The following PRIM2 variants were observed in gnomAD, a reference collection of about 807,000 sequenced individuals.
PRIM2 encodes the protein DNA primase large subunit.
A neutral mutation model predicts 67.3 loss-of-function variants in PRIM2; 39 were observed. The ratio of observed to expected loss-of-function variants is 0.58; its 90% CI spans 0.45 to 0.76. PRIM2 has a LOEUF of 0.76. Ranked by LOEUF, PRIM2 falls within the 30% of genes least tolerant of loss-of-function variation. The pLI, the probability that PRIM2 is intolerant of heterozygous loss-of-function variation, is 0.00. For synonymous variants in PRIM2, 143 were observed against 198.7 expected (o/e 0.72, Z 2.36); for missense variants, 398 against 598.7 (o/e 0.66, Z 3.50).
At chr6:57,505,554 C>T (rs1774232948) in intron 7 of PRIM2, among the ~76,000 whole-genome samples, 1 of 152,062 alleles carries the variant, frequency 6.6e-6, no homozygotes, top group Non-Finnish European at 1.5e-5. Flanking sequence ...AATAACTTTA[C>T]CCTGGGAGCC....
At chr6:57,576,236 G>A (rs1775963109) in intron 10 of PRIM2, among the ~76,000 whole-genome samples, 1 of 151,948 alleles carries the variant, frequency 6.6e-6, no homozygotes. Context: ...AATTTGTTAG[G>A]ATATTTAAAG....
At chr6:57,455,906 T>A (rs1365723777) in intron 7 of PRIM2, among the ~76,000 whole-genome samples, 1 of 152,222 alleles carries the variant, frequency 6.6e-6, no homozygotes, top group Non-Finnish European at 1.5e-5. Flanking sequence ...ATTTGGCATG[T>A]TTTTGCAGTG....
chr6:57,371,127 G>GTT lies in PRIM2; in HGVS notation c.460-8760_460-8759dup, dbSNP rs61081693. Among the ~76,000 whole-genome samples the GTT allele has an allele frequency of 4.0e-3, 508 of 126,122 alleles. 9 individuals are homozygous for GTT. Among genetic ancestry groups the GTT allele is most frequent in the African/African-American group, 9.6e-3 (321 of 33,590 alleles). The allele number at this position is 126,122 out of a possible 152,430, so 82.7% of individuals were successfully genotyped here. ...ATTTTTATTTAAGTTCTTGAGGTTTGTTTTTTTTTTTTTTTCAAAATTATA... is the reference window on the plus strand; with the variant it reads ...ATTTTTATTTAAGTTCTTGAGGTTTGTTTTTTTTTTTTTTTTTCAAAATTATA... On this transcript the variant is annotated intron_variant, in intron 5 of 13. Transcript: ENST00000615550.
intron 10 of PRIM2, among the ~76,000 whole-genome samples, chr6:57,593,865 A>G (rs2127489311): frequency 6.6e-6 from 1 of 152,312 alleles, no homozygotes; most frequent in South Asian, 2.1e-4. Context: ...CATGTATACA[A>G]AGGCAGTAAA....
intron 5 of PRIM2, among the ~76,000 whole-genome samples, chr6:57,334,937 C>G (rs550266295): frequency 6.6e-6 from 1 of 152,188 alleles, no homozygotes; most frequent in Non-Finnish European, 1.5e-5. Context: ...TTCTGCATTT[C>G]CATCTGAGGT....
At chr6:57,489,879 G>A (rs1554345797) in intron 7 of PRIM2, among the ~76,000 whole-genome samples, 13,352 of 151,440 alleles carry the variant, frequency 0.088, 161 homozygotes, top group East Asian at 0.18. Context: ...CGTGTAGGGC[G>A]CAGGGTGTCC....
chr6:57,605,730 T>G (rs1233901184), intron 11 of PRIM2, among the ~76,000 whole-genome samples: 23 of 152,308 alleles, frequency 1.5e-4, no homozygotes, highest in Non-Finnish European at 2.6e-4. Context: ...TCTTCTGTAT[T>G]CTTATTTATG....
At chr6:57,494,436 A>G (rs1473239350) in intron 7 of PRIM2, among the ~76,000 whole-genome samples, 3 of 152,246 alleles carry the variant, frequency 2.0e-5, no homozygotes, top group East Asian at 3.8e-4. Context: ...AAAATGTAGT[A>G]ACCTAAAGGA....
chr6:57,312,078 G>T (rs1767403891), upstream of PRIM2, among the ~76,000 whole-genome samples: 1 of 142,610 alleles, frequency 7.0e-6, no homozygotes, highest in Non-Finnish European at 1.5e-5. Flanking sequence ...GGGGGAGAGG[G>T]CTTTTCTACT....
chr6:57,298,459 G>A, the PRIM2 span, among the ~76,000 whole-genome samples: 4 of 152,062 alleles, frequency 2.6e-5, no homozygotes, highest in African/African-American at 4.8e-5. Context: ...AGGGAATGAC[G>A]AGAACAAAGA....
At chr6:57,547,307 C>T (rs1775308854) in intron 10 of PRIM2, among the ~76,000 whole-genome samples, 1 of 151,948 alleles carries the variant, frequency 6.6e-6, no homozygotes, top group Non-Finnish European at 1.5e-5. Context: ...AGGTTTGTTA[C>T]CTGAGTATAT....
At chr6:57,629,641 C>G (rs1254111475) in intron 12 of PRIM2, among the ~76,000 whole-genome samples, 1 of 151,890 alleles carries the variant, frequency 6.6e-6, no homozygotes, top group Non-Finnish European at 1.5e-5. Context: ...GTCCATGGAT[C>G]TACCATCTAT....
intron 10 of PRIM2, among the ~76,000 whole-genome samples, chr6:57,576,795 GAA>G (rs1234036869): frequency 1.6e-4 from 24 of 145,534 alleles, no homozygotes; most frequent in African/African-American, 5.3e-4. Context: ...AAATTGCAAG[GAA>G]AAAAAAAAAC....
At chr6:57,484,703 C>T (rs1773713773) in intron 7 of PRIM2, among the ~76,000 whole-genome samples, 2 of 152,246 alleles carry the variant, frequency 1.3e-5, no homozygotes, top group Middle Eastern at 3.4e-3. Context: ...AGGCCCTTTA[C>T]ATTTGCTTTT....
intron 5 of PRIM2, among the ~76,000 whole-genome samples, chr6:57,379,519 T>G (rs1357225602): frequency 2.6e-5 from 4 of 152,168 alleles, no homozygotes; most frequent in Non-Finnish European, 5.9e-5. Context: ...CACTCTAACC[T>G]CAATTAGGAT....
chr6:57,276,219 G>C, the PRIM2 span, among the ~76,000 whole-genome samples: 20 of 152,058 alleles, frequency 1.3e-4, no homozygotes, highest in African/African-American at 4.8e-4. Context: ...GTGAAACCCA[G>C]TCTCTACTAA....
intron 12 of PRIM2, among the ~76,000 whole-genome samples, chr6:57,606,879 T>C (rs1281234169): frequency 3.3e-5 from 5 of 152,374 alleles, no homozygotes; most frequent in Admixed American, 2.0e-4. Context: ...CTGAATGTTC[T>C]GATAGGCATC....
intron 7 of PRIM2, among the ~76,000 whole-genome samples, chr6:57,453,500 A>G (rs1358004227): frequency 1.3e-5 from 2 of 152,092 alleles, no homozygotes; most frequent in Non-Finnish European, 2.9e-5. Flanking sequence ...GAGGTCCTTC[A>G]CATCCCTTGT....
chr6:57,375,112 G>A (rs1490438799), intron 5 of PRIM2, among the ~76,000 whole-genome samples: 1 of 152,246 alleles, frequency 6.6e-6, no homozygotes, highest in South Asian at 2.1e-4. Context: ...TGTTGAATAG[G>A]GGTGGTGAGA....
Sources: allele counts gnomAD v4.1 joint callset (sites outside exome capture counted in the v4.1 genomes callset), GRCh38; gene constraint gnomAD v4.1.1; transcripts MANE v1.5; gene names NCBI Gene and HGNC (gene_info 2026-07-23, HGNC 2026-07-21).